Variants in KIF9 observed in about 807,000 individuals in gnomAD.
The protein encoded by KIF9 is kinesin family member 9.
A neutral mutation model predicts 94.8 loss-of-function variants in KIF9; 68 were observed. The ratio of observed to expected loss-of-function variants is 0.72; its 90% confidence interval spans 0.59 to 0.88. The LOEUF is 0.88. Among genes scored for constraint, KIF9 ranks in the 40% least tolerant of loss-of-function variants. The pLI, the probability that KIF9 is intolerant of heterozygous loss-of-function variation, is 0.00. For missense variants in KIF9, 882 were observed against 982.5 expected, an observed-to-expected ratio of 0.90 and a Z score of 1.37; for synonymous variants, 343 against 362.1, an observed-to-expected ratio of 0.95 and a Z score of 0.60.
chr3:47,259,210 A>T (rs1447662778), intron 9 of KIF9, among the ~76,000 whole-genome samples: 1 of 152,148 alleles, frequency 6.6e-6, no homozygotes, highest in African/African-American at 2.4e-5. Flanking sequence ...GACTCTGCCC[A>T]CCAGCCTTAG....
At chr3:47,258,055 G>T (rs1447587944) in intron 9 of KIF9, among the ~76,000 whole-genome samples, 2 of 152,032 alleles carry the variant, frequency 1.3e-5, no homozygotes, top group Non-Finnish European at 2.9e-5. Context: ...AGTTTTCAGG[G>T]TCTCGATCAG....
intron 1 of KIF9, among the ~76,000 whole-genome samples, chr3:47,280,521 C>T (rs1702261422): frequency 6.6e-6 from 1 of 152,216 alleles, no homozygotes; most frequent in African/African-American, 2.4e-5. Flanking sequence ...GCTTGGGTAA[C>T]ACAGCAAGAC....
intron 10 of KIF9, among the ~76,000 whole-genome samples, chr3:47,254,019 C>T (rs180853908): frequency 2.6e-5 from 4 of 152,320 alleles, no homozygotes; most frequent in Non-Finnish European, 4.4e-5. Context: ...GAGAGGAGTG[C>T]TAAACAACAT....
chr3:47,248,816 T>C (rs920830699), intron 10 of KIF9, among the ~76,000 whole-genome samples: 2 of 152,094 alleles, frequency 1.3e-5, no homozygotes, highest in Non-Finnish European at 2.9e-5. Flanking sequence ...CCATCATGGC[T>C]CACTGAAGCC....
chr3:47,242,898 C>T, intron 16 of KIF9, 153 bp downstream of exon 16: 1 of 586,928 alleles, frequency 1.7e-6, no homozygotes, highest in African/African-American at 1.8e-5. Context: ...TTTGCAGATG[C>T]ATAAGTCATG....
intron 20 of KIF9, among the ~76,000 whole-genome samples, chr3:47,229,278 A>C (rs1698378285): frequency 6.6e-6 from 1 of 152,238 alleles, no homozygotes; most frequent in Non-Finnish European, 1.5e-5. Flanking sequence ...ATTCTTGAAG[A>C]GGGTTAAAAT....
intron 5 of KIF9, 135 bp from the exon 6 acceptor site, chr3:47,267,398 C>G: frequency 1.4e-6 from 1 of 697,970 alleles, no homozygotes; most frequent in Non-Finnish European, 2.5e-6. Context: ...CCAGGCAAAC[C>G]TCTTTTATAA....
At position 47,266,858 on chromosome 3, in the gene KIF9, C is replaced by T. The variant is rs144050496; in HGVS notation, c.768+118G>A. On this transcript the variant is annotated intron_variant, in intron 7 of 20. Transcript: ENST00000684063. ...CAGCAAGCCCACATGTCCCACTTCGCCTAGCTCAGGACTGTGTTCACAAAT... is the reference window on the plus strand; with the variant it reads ...CAGCAAGCCCACATGTCCCACTTCGTCTAGCTCAGGACTGTGTTCACAAAT... 5.6e-3 allele frequency: 4,492 copies of T among 800,422 alleles called. 18 individuals are homozygous for T. Among genetic ancestry groups the T allele is most frequent in the Non-Finnish European group, 7.5e-3 (3,543 of 470,466 alleles). 49.6% of individuals were successfully genotyped at this position (800,422 alleles called of 1,614,324 possible). A position where few individuals can be genotyped will look rare whatever the true frequency, so the allele number is the denominator to read the frequency against.
At chr3:47,240,700 C>G in intron 17 of KIF9, 101 bp downstream of exon 17, 1 of 970,016 alleles carries the variant, frequency 1.0e-6, no homozygotes, top group Non-Finnish European at 1.6e-6. Context: ...CCCCCACTGG[C>G]CCCCTCCCAT....
At chr3:47,247,546 C>T in intron 11 of KIF9, 69 bp from the exon 12 acceptor site, 1 of 1,252,794 alleles carries the variant, frequency 8.0e-7, no homozygotes, top group Non-Finnish European at 1.2e-6. Context: ...TGGCAGGGGC[C>T]ATTCTGAGAG....
chr3:47,266,857 G>A (rs376179940), intron 7 of KIF9, 119 bp downstream of exon 7: 4 of 785,508 alleles, frequency 5.1e-6, no homozygotes, highest in East Asian at 2.5e-5. Context: ...GTCCCACTTC[G>A]CCTAGCTCAG....
intron 20 of KIF9, among the ~76,000 whole-genome samples, chr3:47,235,037 G>T (rs991696186): frequency 3.9e-5 from 6 of 152,194 alleles, no homozygotes; most frequent in Non-Finnish European, 2.9e-5. Flanking sequence ...CAGTGCACAG[G>T]GCCCTCTGTG....
rs544268531 is a variant in KIF9 at position 47,281,105 on chromosome 3, G to A, written c.-6+1390C>T. ...CAGGGCAGAGCCCAGCACAGAGTAGGTATTCAGGAAATGGCGGTGGTTGGT... is the reference window on the plus strand; with the variant it reads ...CAGGGCAGAGCCCAGCACAGAGTAGATATTCAGGAAATGGCGGTGGTTGGT... On this transcript the variant is annotated intron_variant, in intron 1 of 20. Coordinates refer to ENST00000684063, the MANE Select transcript of KIF9 (RefSeq NM_182902.4). 10 of 686,012 alleles carry A rather than the reference G, an allele frequency of 1.5e-5. No homozygotes were observed. The East Asian group carries it at 2.7e-4, about 18-fold the overall frequency. The allele number at this position is 686,012 out of a possible 1,614,324, so 42.5% of individuals were successfully genotyped here.
chr3:47,240,151 C>T (rs753639494), intron 17 of KIF9: 30 of 289,658 alleles, frequency 1.0e-4, no homozygotes, highest in Non-Finnish European at 1.9e-4. Context: ...CAGGTGTGGG[C>T]GGCGCACGCC....
intron 1 of KIF9, among the ~76,000 whole-genome samples, chr3:47,278,376 A>G (rs1287831396): frequency 1.3e-5 from 2 of 152,092 alleles, no homozygotes; most frequent in East Asian, 3.8e-4. Context: ...GATGTTCAAT[A>G]TTTTTTAAAA....
chr3:47,279,128 T>G (rs1415662486), intron 1 of KIF9, among the ~76,000 whole-genome samples: 1 of 131,808 alleles, frequency 7.6e-6, no homozygotes, highest in East Asian at 2.3e-4. Context: ...ACCACTGCAC[T>G]CCAGCCTAGG....
intron 12 of KIF9, 26 bp from the exon 13 acceptor site, chr3:47,246,278 G>A: frequency 6.2e-7 from 1 of 1,604,394 alleles, no homozygotes; most frequent in Non-Finnish European, 8.5e-7. Flanking sequence ...CAAGGCAGAG[G>A]TTAGACCAAG....
Position 47,242,519 on chromosome 3 carries a change from C to T in KIF9, c.1709+532G>A, listed in dbSNP as rs914386421. Reference sequence around the variant, plus strand: ...AATGTTCATAGGTTGAAATTCTTCACGGACAACCCAATGGCAGAGAACAAT... The same window carrying T: ...AATGTTCATAGGTTGAAATTCTTCATGGACAACCCAATGGCAGAGAACAAT... On this transcript the variant is annotated intron_variant, in intron 16 of 20. Coordinates refer to ENST00000684063, the MANE Select transcript of KIF9 (RefSeq NM_182902.4). 2.6e-5 allele frequency among the ~76,000 whole-genome samples: 4 copies of T among 152,214 alleles called. No homozygotes were observed. In the East Asian group the frequency reaches 7.7e-4, roughly 29 times the overall value.
At chr3:47,245,382 C>G (rs748984127) in intron 14 of KIF9, 39 bp downstream of exon 14, 1 of 1,477,122 alleles carries the variant, frequency 6.8e-7, no homozygotes, top group East Asian at 2.3e-5. Flanking sequence ...GATGGGAAAT[C>G]TGAGGTGAGT....
Sources: allele counts gnomAD v4.1 joint callset (sites outside exome capture counted in the v4.1 genomes callset), GRCh38; gene constraint gnomAD v4.1.1; transcripts MANE v1.5; gene names NCBI Gene and HGNC (gene_info 2026-07-23, HGNC 2026-07-21).